Variants in SGCZ observed in about 807,000 individuals in gnomAD.
SGCZ encodes sarcoglycan zeta, also known as zeta-sarcoglycan.
SGCZ carries 40 observed loss-of-function variants against 41.3 expected under a neutral mutation model. The observed-to-expected ratio is 0.97, with a 90% CI of 0.75 to 1.26. SGCZ has a LOEUF of 1.26. Ranked by LOEUF, SGCZ falls within the 50% of genes most tolerant of loss-of-function variation. The pLI is 0.00. For synonymous variants in SGCZ, 206 were observed against 137.5 expected (o/e 1.50, Z -3.49); for missense variants, 552 against 369.8 (o/e 1.49, Z -4.04).
At chr8:14,903,392 T>C (rs1799029503) in intron 1 of SGCZ, among the ~76,000 whole-genome samples, 1 of 152,144 alleles carries the variant, frequency 6.6e-6, no homozygotes. Flanking sequence ...TTAATAATTA[T>C]GAATAATATA....
chr8:14,693,967 T>C (rs1439161026), intron 1 of SGCZ, among the ~76,000 whole-genome samples: 2 of 152,206 alleles, frequency 1.3e-5, no homozygotes, highest in African/African-American at 4.8e-5. Context: ...TGAGCAGTTA[T>C]GACCAAGTTT....
intron 4 of SGCZ, among the ~76,000 whole-genome samples, chr8:14,173,188 C>A (rs1479177499): frequency 6.6e-6 from 1 of 151,306 alleles, no homozygotes; most frequent in Non-Finnish European, 1.5e-5. Flanking sequence ...TTAAGAGAGA[C>A]AACAACGTTT....
chr8:14,462,031 T>C (rs1800915225), intron 2 of SGCZ, among the ~76,000 whole-genome samples: 1 of 152,090 alleles, frequency 6.6e-6, no homozygotes, highest in Non-Finnish European at 1.5e-5. Flanking sequence ...ATTTAATATA[T>C]ACAACAGATT....
intron 2 of SGCZ, among the ~76,000 whole-genome samples, chr8:14,415,505 G>A (rs1457090953): frequency 6.6e-6 from 1 of 151,778 alleles, no homozygotes; most frequent in Non-Finnish European, 1.5e-5. Context: ...ATGAAATAAA[G>A]CGTTAAGTCA....
At chr8:14,605,667 A>G (rs1314310805) in intron 1 of SGCZ, among the ~76,000 whole-genome samples, 8 of 152,078 alleles carry the variant, frequency 5.3e-5, no homozygotes, top group Admixed American at 2.6e-4. Flanking sequence ...TTCACTCATC[A>G]TGTTTACTAT....
intron 1 of SGCZ, among the ~76,000 whole-genome samples, chr8:14,841,278 A>G (rs1452122205): frequency 6.6e-6 from 1 of 152,066 alleles, no homozygotes; most frequent in Non-Finnish European, 1.5e-5. Flanking sequence ...TGCTGCATCT[A>G]CAAGCACTGG....
chr8:14,783,406 C>G (rs1214180386), intron 1 of SGCZ, among the ~76,000 whole-genome samples: 2 of 149,780 alleles, frequency 1.3e-5, no homozygotes, highest in African/African-American at 2.5e-5. Flanking sequence ...TGCACTCCAG[C>G]CTGGGAGACA....
chr8:14,563,387 C>T (rs1804266061), intron 1 of SGCZ, among the ~76,000 whole-genome samples: 1 of 152,122 alleles, frequency 6.6e-6, no homozygotes, highest in Non-Finnish European at 1.5e-5. Context: ...AAATAAATGA[C>T]TCCTGTTAAT....
intron 1 of SGCZ, among the ~76,000 whole-genome samples, chr8:15,062,984 T>C (rs1180750480): frequency 6.6e-6 from 1 of 152,160 alleles, no homozygotes; most frequent in Admixed American, 6.5e-5. Context: ...CAATTGTGTT[T>C]AAAATGGTAC....
At chr8:14,164,339 C>A (rs544492128) in intron 5 of SGCZ, among the ~76,000 whole-genome samples, 16 of 152,216 alleles carry the variant, frequency 1.1e-4, no homozygotes, top group Non-Finnish European at 2.1e-4. Context: ...TCATTTTCTT[C>A]CCCCTGCCTC....
Position 14,508,592 on chromosome 8 carries a change from C to T in SGCZ, c.234+46140G>A, listed in dbSNP as rs540883304. Among the ~76,000 whole-genome samples, 4 of 152,060 alleles carry T rather than the reference C, an allele frequency of 2.6e-5. No homozygotes were observed. In the South Asian group the frequency reaches 6.2e-4, roughly 24 times the overall value. On this transcript the variant is annotated intron_variant, in intron 2 of 7. Coordinates refer to ENST00000382080, the MANE Select transcript of SGCZ (RefSeq NM_139167.4). ...CATATCAATGGGGAAAATGAAAATT[C>T]CATAAATGTGCCTTGGTGGGTCACT... is the stretch of plus-strand genomic sequence containing the variant.
At chr8:14,263,141 T>C (rs1321667577) in intron 3 of SGCZ, among the ~76,000 whole-genome samples, 1 of 152,166 alleles carries the variant, frequency 6.6e-6, no homozygotes, top group Non-Finnish European at 1.5e-5. Flanking sequence ...CACTACAAAC[T>C]AAAAATAAAG....
intron 1 of SGCZ, among the ~76,000 whole-genome samples, chr8:14,710,662 T>C (rs1285776294): frequency 1.3e-5 from 2 of 152,096 alleles, no homozygotes; most frequent in East Asian, 1.9e-4. Context: ...ACAAATAAAA[T>C]ATTTTCAGGA....
rs1466222851 is a variant in SGCZ, at chr8:14,439,161, G to A, written c.235-114957C>T. On this transcript the variant is annotated intron_variant, in intron 2 of 7. Transcript: ENST00000382080. ...ACCGTGATACATTTGTTAAAGGGAA[G>A]AATTATTTGTAGTAAGAAAATGCAT... 7.9e-5 allele frequency among the ~76,000 whole-genome samples: 12 copies of A among 152,062 alleles called. No individual in the cohort carries two copies. The East Asian group carries it at 2.3e-3, about 29-fold the overall frequency.
intron 4 of SGCZ, among the ~76,000 whole-genome samples, chr8:14,170,925 G>A (rs1219134171): frequency 6.6e-6 from 1 of 151,866 alleles, no homozygotes; most frequent in Non-Finnish European, 1.5e-5. Context: ...TGCATTTCAG[G>A]TCATTACTTT....
In SGCZ at chr8:14,292,805, A is replaced by T. The variant is rs1427008; in HGVS notation, c.336+31298T>A. On this transcript the variant is annotated intron_variant, in intron 3 of 7. Coordinates refer to ENST00000382080, the MANE Select transcript of SGCZ (RefSeq NM_139167.4). ...ATCACTAGGCTTTTCTGAGAATTACATGAAAAAGTAAATAAACAATGCATT... is the reference window on the plus strand; with the variant it reads ...ATCACTAGGCTTTTCTGAGAATTACTTGAAAAAGTAAATAAACAATGCATT... 1.8e-4 allele frequency among the ~76,000 whole-genome samples: 28 copies of T among 151,944 alleles called. No individual in the cohort carries two copies. In the South Asian group the frequency reaches 5.0e-3, roughly 27 times the overall value.
intron 1 of SGCZ, among the ~76,000 whole-genome samples, chr8:14,862,205 C>T (rs1212565029): frequency 1.3e-5 from 2 of 151,858 alleles, no homozygotes; most frequent in Admixed American, 1.3e-4. Flanking sequence ...GAAGGGCTTT[C>T]CTATTATTCA....
At chr8:15,058,226 G>C (rs952597199) in intron 1 of SGCZ, among the ~76,000 whole-genome samples, 7 of 152,134 alleles carry the variant, frequency 4.6e-5, no homozygotes, top group African/African-American at 1.7e-4. Context: ...TGGAACCATA[G>C]CTCATGTTAG....
At chr8:14,140,893 G>T (rs748176954) in intron 5 of SGCZ, among the ~76,000 whole-genome samples, 10 of 152,258 alleles carry the variant, frequency 6.6e-5, no homozygotes, top group Non-Finnish European at 1.3e-4. Context: ...AACAACACTG[G>T]AGGCATAATG....
Sources: allele counts gnomAD v4.1 joint callset (sites outside exome capture counted in the v4.1 genomes callset), GRCh38; gene constraint gnomAD v4.1.1; transcripts MANE v1.5; gene names NCBI Gene and HGNC (gene_info 2026-07-23, HGNC 2026-07-21).